UBE2D3: variants seen among roughly 807,000 people sequenced by gnomAD.
UBE2D3 encodes ubiquitin-conjugating enzyme E2 D3.
A neutral mutation model predicts 22.8 loss-of-function variants in UBE2D3; 2 were observed. The ratio of observed to expected loss-of-function variants is 0.09; its 90% CI spans 0.04 to 0.28. UBE2D3 has a LOEUF of 0.28. Ranked by LOEUF, UBE2D3 falls within the 10% of genes least tolerant of loss-of-function variation. The pLI, the probability that UBE2D3 is intolerant of heterozygous loss-of-function variation, is 1.00. For missense variants in UBE2D3, 27 were observed against 182.5 expected (o/e 0.15, Z 4.91); for synonymous variants, 56 against 60.4 (o/e 0.93, Z 0.34).
intron 1 of UBE2D3, among the ~76,000 whole-genome samples, chr4:102,868,231 G>A (rs767916513): frequency 3.3e-5 from 5 of 151,854 alleles, no homozygotes; most frequent in Non-Finnish European, 7.4e-5. Context: ...CACCGCGCCC[G>A]GCTAATTTTT....
intron 1 of UBE2D3, among the ~76,000 whole-genome samples, chr4:102,840,379 T>C (rs1320375152): frequency 6.6e-6 from 1 of 152,208 alleles, no homozygotes; most frequent in African/African-American, 2.4e-5. Context: ...ATGAATACTA[T>C]TGGCCACAAA....
At chr4:102,836,454 AT>A (rs1731410306) in intron 1 of UBE2D3, among the ~76,000 whole-genome samples, 2 of 152,004 alleles carry the variant, frequency 1.3e-5, no homozygotes, top group Non-Finnish European at 1.5e-5. Flanking sequence ...GCCTCTTCCA[AT>A]TTTTGTCTTA....
rs386626793 is a variant in UBE2D3, at chr4:102,853,135, A to ATCTTTTTTTTTTT, written c.-129+15579_-129+15580insAAAAAAAAAAAGA. Among the ~76,000 whole-genome samples, 414 of 88,582 alleles carry ATCTTTTTTTTTTT rather than the reference A, an allele frequency of 4.7e-3. 89 individuals carry two copies. The highest frequency in any genetic ancestry group is 8.2e-3 in the African/African-American group (173 of 21,082). The allele number at this position is 88,582 out of a possible 152,430, so 58.1% of individuals were successfully genotyped here. A position where few individuals can be genotyped will look rare whatever the true frequency, so the allele number is the denominator to read the frequency against. ...GTCAAAATTACACACAAACACACACATTTTTTTTTTTTTTTTTTTTTTTTT... is the reference window on the plus strand; with the variant it reads ...GTCAAAATTACACACAAACACACACATCTTTTTTTTTTTTTTTTTTTTTTTTTTTTTTTTTTTT... On this transcript the variant is annotated intron_variant, in intron 1 of 7. Coordinates refer to the UBE2D3 transcript ENST00000338145.
chr4:102,795,562 T>C lies in UBE2D3; in HGVS notation c.*1853A>G, dbSNP rs1264519562. 2 of 152,082 alleles carry C rather than the reference T, an allele frequency of 1.3e-5. No individual in the cohort carries two copies. Among genetic ancestry groups the C allele is most frequent in the African/African-American group, 2.4e-5 (1 of 41,446 alleles). 9.4% of individuals were successfully genotyped at this position (152,082 alleles called of 1,614,324 possible). On this transcript the variant is annotated 3_prime_UTR_variant, in exon 8 of 8. Coordinates refer to ENST00000453744, the MANE Select transcript of UBE2D3 (RefSeq NM_181891.3). ...AAATTCACTCATTGGAAAAACTGCG[T>C]AGCTGGTTTTTTCCCCAATGAAATG...
Position 102,827,530 on chromosome 4 carries a change from A to G in UBE2D3, c.-232T>C. 1.0e-6 allele frequency: 1 copy of G among 986,074 alleles called. No individual in the cohort carries two copies. Among genetic ancestry groups the G allele is most frequent in the South Asian group, 4.7e-5 (1 of 21,334 alleles). 61.1% of individuals were successfully genotyped at this position (986,074 alleles called of 1,614,324 possible). ...GGCTCACGCGCACGACACAGCCACA[A>G]GATGTCCGCTCTGACGGAACTACTG... On this transcript the variant is annotated 5_prime_UTR_variant, in exon 1 of 8. Coordinates refer to ENST00000453744, the MANE Select transcript of UBE2D3 (RefSeq NM_181891.3).
chr4:102,815,082 C>T (rs1350995305), intron 2 of UBE2D3, among the ~76,000 whole-genome samples: 2 of 151,896 alleles, frequency 1.3e-5, no homozygotes, highest in South Asian at 2.1e-4. Context: ...TCACTCTTGT[C>T]GCCCATGGTG....
intron 4 of UBE2D3, among the ~76,000 whole-genome samples, chr4:102,808,505 C>G (rs1042565235): frequency 2.6e-5 from 4 of 152,066 alleles, no homozygotes; most frequent in African/African-American, 4.8e-5. Flanking sequence ...TATTTGCACC[C>G]CTGCCATGTC....
In UBE2D3 at chr4:102,852,590, C is replaced by T. The variant is rs1174510239; in HGVS notation, c.-129+16125G>A. On this transcript the variant is annotated intron_variant, in intron 1 of 7. Coordinates refer to the UBE2D3 transcript ENST00000338145. The stretch of plus-strand genomic sequence containing the variant: ...AATGACAACTCATACAACTTGAATT[C>T]ATTCCTTTTGATAGCTGTATAATAT... Among the ~76,000 whole-genome samples, 5 of 152,162 alleles carry T rather than the reference C, an allele frequency of 3.3e-5. No homozygotes were observed. The East Asian group carries it at 9.6e-4, about 29-fold the overall frequency.
chr4:102,862,195 G>C (rs1367936147), intron 1 of UBE2D3, among the ~76,000 whole-genome samples: 1 of 151,886 alleles, frequency 6.6e-6, no homozygotes, highest in African/African-American at 2.4e-5. Flanking sequence ...TCTTAAAACT[G>C]TGGGGTTAAG....
At chr4:102,801,705 G>A (rs1340229527) in intron 5 of UBE2D3, 146 bp from the exon 6 acceptor site, 1 of 632,612 alleles carries the variant, frequency 1.6e-6, no homozygotes, top group Non-Finnish European at 2.6e-6. Context: ...TTTACAATCT[G>A]ACCACAACCC....
chr4:102,798,359 A>G (rs1725569789), intron 7 of UBE2D3, among the ~76,000 whole-genome samples: 2 of 148,204 alleles, frequency 1.3e-5, no homozygotes, highest in South Asian at 4.2e-4. Context: ...CAAGAACCAA[A>G]TATGGTCCAA....
chr4:102,821,962 A>AT (rs907263693), intron 2 of UBE2D3, among the ~76,000 whole-genome samples: 47 of 151,784 alleles, frequency 3.1e-4, no homozygotes, highest in African/African-American at 1.0e-3. Flanking sequence ...AATCTGAAAC[A>AT]TTTTTTTATC....
intron 4 of UBE2D3, among the ~76,000 whole-genome samples, chr4:102,808,377 T>C (rs941941559): frequency 6.6e-6 from 1 of 152,208 alleles, no homozygotes; most frequent in Non-Finnish European, 1.5e-5. Context: ...TAAAAGTAAG[T>C]ACTTTTAATA....
chr4:102,829,951 T>C (rs1281255866), upstream of UBE2D3, among the ~76,000 whole-genome samples: 2 of 152,106 alleles, frequency 1.3e-5, no homozygotes, highest in East Asian at 3.8e-4. Context: ...ACAAAACTAA[T>C]ATATATGGAG....
In UBE2D3 at chr4:102,816,328, A is replaced by G. The variant is rs1227442381; in HGVS notation, c.25-6473T>C. On this transcript the variant is annotated intron_variant, in intron 2 of 7. Transcript: ENST00000453744. ...ATTCTTCCTTCTATAATCAAGAGCT[A>G]TAAGAATGTGACCCATAGCTGTTGA... 8.5e-5 allele frequency among the ~76,000 whole-genome samples: 13 copies of G among 152,230 alleles called. No individual in the cohort carries two copies. The East Asian group carries it at 9.6e-4, about 11-fold the overall frequency.
At chr4:102,804,882 T>C (rs1185597410) in intron 4 of UBE2D3, among the ~76,000 whole-genome samples, 1 of 152,088 alleles carries the variant, frequency 6.6e-6, no homozygotes, top group Admixed American at 6.5e-5. Flanking sequence ...TTTTGTTGTC[T>C]TTTTAGTTGA....
chr4:102,826,591 G>A lies in UBE2D3; in HGVS notation c.-83C>T. On this transcript the variant is annotated 5_prime_UTR_variant, in exon 2 of 8. Transcript: ENST00000453744. ...AAAACTCTTGATTATCCCGGCGGCG[G>A]GGCAGGATTGTCTCGTCTCACACCA... 1 of 1,602,852 alleles carries A rather than the reference G, an allele frequency of 6.2e-7. No individual in the cohort carries two copies. The highest frequency in any genetic ancestry group is 1.7e-5 in the Admixed American group (1 of 59,186).
chr4:102,859,635 C>CTT (rs993549515), intron 1 of UBE2D3, among the ~76,000 whole-genome samples: 2 of 151,960 alleles, frequency 1.3e-5, no homozygotes, highest in East Asian at 3.9e-4. Flanking sequence ...TTCTCTTTCT[C>CTT]TGCTTGCTCT....
intron 7 of UBE2D3, 85 bp downstream of exon 7, chr4:102,799,322 A>G: frequency 2.0e-6 from 2 of 1,008,658 alleles, no homozygotes; most frequent in East Asian, 2.5e-5. Context: ...CTAAATATCA[A>G]GTCTTCTTGG....
Sources: allele counts gnomAD v4.1 joint callset (sites outside exome capture counted in the v4.1 genomes callset), GRCh38; gene constraint gnomAD v4.1.1; transcripts MANE v1.5; gene names NCBI Gene and HGNC (gene_info 2026-07-23, HGNC 2026-07-21).